The following DPP6 variants were observed in gnomAD, a reference collection of about 807,000 sequenced individuals.
DPP6 encodes the protein dipeptidyl peptidase like 6.
DPP6 carries 69 observed loss-of-function variants against 122.6 expected under a neutral mutation model. That is an observed-to-expected ratio of 0.56 (90% CI 0.46 to 0.69). The LOEUF is 0.69. DPP6 is among the 30% of genes least tolerant of loss of function. The probability of loss-of-function intolerance (pLI) is 0.00; values close to 1 mark genes in which losing one functional copy is unlikely to be tolerated. For missense variants in DPP6, 928 were observed against 1,116.9 expected, an observed-to-expected ratio of 0.83 and a Z score of 2.41; for synonymous variants, 418 against 433.1, an observed-to-expected ratio of 0.97 and a Z score of 0.43.
chr7:154,233,899 C>G (rs1585695664), intron 1 of DPP6, among the ~76,000 whole-genome samples: 1 of 152,198 alleles, frequency 6.6e-6, no homozygotes. Context: ...TGATGATGCT[C>G]ATGACTACAG....
chr7:154,840,239 C>T (rs927089414), intron 16 of DPP6, among the ~76,000 whole-genome samples: 3 of 152,164 alleles, frequency 2.0e-5, no homozygotes, highest in South Asian at 4.1e-4. Flanking sequence ...GAATGGAAGT[C>T]GCTACCCTCA....
At chr7:154,299,851 GA>G (rs1363273656) in intron 1 of DPP6, among the ~76,000 whole-genome samples, 2 of 152,220 alleles carry the variant, frequency 1.3e-5, no homozygotes, top group Admixed American at 1.3e-4. Flanking sequence ...AGGGCAAGGT[GA>G]GTGTAAATCA....
At chr7:154,587,963 C>A (rs1832572875) in intron 5 of DPP6, 1 of 1,612,932 alleles carries the variant, frequency 6.2e-7, no homozygotes, top group Non-Finnish European at 8.5e-7. Context: ...GCACCTGCAG[C>A]CCTCAGGCAG....
chr7:154,277,769 A>C (rs965496343), intron 1 of DPP6, among the ~76,000 whole-genome samples: 1 of 152,186 alleles, frequency 6.6e-6, no homozygotes, highest in African/African-American at 2.4e-5. Flanking sequence ...TGTCTCCAAA[A>C]ATAAAAAACT....
At chr7:154,549,407 A>C (rs1429289755) in intron 4 of DPP6, among the ~76,000 whole-genome samples, 3 of 152,220 alleles carry the variant, frequency 2.0e-5, no homozygotes, top group Admixed American at 2.0e-4. Context: ...AAACTTCATG[A>C]TTCAGAGGCA....
intron 6 of DPP6, among the ~76,000 whole-genome samples, chr7:154,655,426 CA>C (rs1453572831): frequency 1.3e-5 from 2 of 148,508 alleles, no homozygotes; most frequent in East Asian, 3.9e-4. Flanking sequence ...CTTCCTTCAT[CA>C]TTTTTTTTTA....
the DPP6 span, among the ~76,000 whole-genome samples, chr7:153,868,503 T>C: frequency 6.6e-6 from 1 of 152,192 alleles, no homozygotes; most frequent in Non-Finnish European, 1.5e-5. Context: ...TGATATAACC[T>C]TTGTCATTTT....
At chr7:154,709,499 C>T (rs1841036723) in intron 7 of DPP6, among the ~76,000 whole-genome samples, 1 of 151,958 alleles carries the variant, frequency 6.6e-6, no homozygotes, top group South Asian at 2.1e-4. Context: ...GGATTACAGG[C>T]AGGAGCCACC....
chr7:154,845,168 T>C (rs1801847256), intron 16 of DPP6, among the ~76,000 whole-genome samples: 1 of 152,234 alleles, frequency 6.6e-6, no homozygotes, highest in Non-Finnish European at 1.5e-5. Context: ...AACATTTTTA[T>C]ACAACGCTGA....
chr7:154,060,743 G>GAGGGGGACGCACCCCCCGCGAGGCAGA (rs1801702020), intron 1 of DPP6, among the ~76,000 whole-genome samples: 1 of 129,996 alleles, frequency 7.7e-6, no homozygotes, highest in Non-Finnish European at 1.6e-5. Flanking sequence ...CGCGAGGCAG[G>GAGGGGGACGCACCCCCCGCGAGGCAGA]GACTGAGAGC....
At chr7:154,189,829 A>G (rs1221676256) in intron 1 of DPP6, among the ~76,000 whole-genome samples, 1 of 152,224 alleles carries the variant, frequency 6.6e-6, no homozygotes, top group Non-Finnish European at 1.5e-5. Context: ...AAACAAAGAA[A>G]CAAAATGTGA....
At chr7:154,088,172 C>T (rs1421053069) in intron 1 of DPP6, among the ~76,000 whole-genome samples, 1 of 152,188 alleles carries the variant, frequency 6.6e-6, no homozygotes, top group Non-Finnish European at 1.5e-5. Flanking sequence ...ATCCACTTGG[C>T]CTAGCAGAGT....
At chr7:153,812,858 A>G in the DPP6 span, among the ~76,000 whole-genome samples, 1 of 152,132 alleles carries the variant, frequency 6.6e-6, no homozygotes, top group Non-Finnish European at 1.5e-5. Context: ...AAGAAAGTAC[A>G]ATATAAATGG....
chr7:154,097,916 C>T (rs1585372273), intron 1 of DPP6, among the ~76,000 whole-genome samples: 1 of 152,210 alleles, frequency 6.6e-6, no homozygotes, highest in East Asian at 1.9e-4. Context: ...TTGGTGGAGA[C>T]AGCAGCGTAG....
chr7:154,013,282 A>G (rs575923658), intron 1 of DPP6, among the ~76,000 whole-genome samples: 1 of 152,338 alleles, frequency 6.6e-6, no homozygotes, highest in Non-Finnish European at 1.5e-5. Context: ...TCATGACTCT[A>G]TTATGAGAAG....
chr7:154,195,925 T>C (rs898534204), intron 1 of DPP6, among the ~76,000 whole-genome samples: 1 of 152,192 alleles, frequency 6.6e-6, no homozygotes, highest in African/African-American at 2.4e-5. Context: ...GTGTGAGGGA[T>C]GTGGCTTTTC....
chr7:154,114,676 G>A (rs1281166591), intron 1 of DPP6, among the ~76,000 whole-genome samples: 1 of 152,164 alleles, frequency 6.6e-6, no homozygotes, highest in Non-Finnish European at 1.5e-5. Context: ...AACAGGTATA[G>A]AGCATTGGGA....
intron 1 of DPP6, among the ~76,000 whole-genome samples, chr7:153,952,501 T>C (rs1165056522): frequency 1.3e-5 from 2 of 152,216 alleles, no homozygotes; most frequent in African/African-American, 4.8e-5. Context: ...ATTTTTTTCC[T>C]GGAGGGGATT....
At chr7:154,148,486 C>G (rs1213836413) in intron 1 of DPP6, among the ~76,000 whole-genome samples, 3 of 149,374 alleles carry the variant, frequency 2.0e-5, no homozygotes, top group Non-Finnish European at 4.4e-5. Context: ...TCCCACCTGC[C>G]TCTTCTGGAA....
Sources: allele counts gnomAD v4.1 joint callset (sites outside exome capture counted in the v4.1 genomes callset), GRCh38; gene constraint gnomAD v4.1.1; transcripts MANE v1.5; gene names NCBI Gene and HGNC (gene_info 2026-07-23, HGNC 2026-07-21).